TEAD1: variants seen among roughly 807,000 people sequenced by gnomAD.
TEAD1 encodes TEA domain transcription factor 1, also known as transcriptional enhancer factor TEF-1.
Under a neutral mutation model 54.9 loss-of-function variants are expected in TEAD1, and 9 were observed. That is an observed-to-expected ratio of 0.16 (90% CI 0.10 to 0.29). The LOEUF is 0.29. Ranked by LOEUF, TEAD1 falls within the 10% of genes least tolerant of loss-of-function variation. TEAD1 has a pLI of 1.00. For missense variants in TEAD1, 387 were observed against 535.9 expected, an observed-to-expected ratio of 0.72 and a Z score of 2.74; for synonymous variants, 200 against 187.8, an observed-to-expected ratio of 1.07 and a Z score of -0.53.
chr11:12,730,542 GTGT>G (rs1440978304), intron 2 of TEAD1, among the ~76,000 whole-genome samples: 1 of 150,688 alleles, frequency 6.6e-6, no homozygotes, highest in African/African-American at 2.4e-5. Flanking sequence ...AGAAATAGAG[GTGT>G]TGTGGTTTCT....
At chr11:12,924,013 C>T (rs1040045487) in intron 10 of TEAD1, among the ~76,000 whole-genome samples, 6 of 152,236 alleles carry the variant, frequency 3.9e-5, no homozygotes. Flanking sequence ...ACTTCCTTGG[C>T]ACGCAGGCTT....
At chr11:12,851,801 A>C (rs1363596208) in intron 3 of TEAD1, among the ~76,000 whole-genome samples, 1 of 148,576 alleles carries the variant, frequency 6.7e-6, no homozygotes, top group Non-Finnish European at 1.5e-5. Context: ...CTCCAAAAAA[A>C]GGAAAAAAAA....
At position 12,864,071 on chromosome 11, in the gene TEAD1, C is replaced by CA. The variant is rs35076560; in HGVS notation, c.268-752dup. 5.2e-3 allele frequency among the ~76,000 whole-genome samples: 727 copies of CA among 140,398 alleles called. 3 individuals are homozygous for CA. The highest frequency in any genetic ancestry group is 0.011 in the South Asian group (48 of 4,344). The allele number at this position is 140,398 out of a possible 152,430, so 92.1% of individuals were successfully genotyped here. A position where few individuals can be genotyped will look rare whatever the true frequency, so the allele number is the denominator to read the frequency against. ...GAAGGATTAAAGATTTTTATAAGGG[C>CA]AAAAAAAAAAAAAAATAGCTCTGCT... On this transcript the variant is annotated intron_variant, in intron 4 of 12. Transcript: ENST00000527636.
intron 3 of TEAD1, among the ~76,000 whole-genome samples, chr11:12,817,820 A>G (rs1378920189): frequency 6.6e-6 from 1 of 152,220 alleles, no homozygotes; most frequent in East Asian, 1.9e-4. Context: ...TTGAAGCGCA[A>G]CAGGGCCATT....
At chr11:12,881,821 C>G in intron 7 of TEAD1, 75 bp from the exon 8 acceptor site, 1 of 1,508,750 alleles carries the variant, frequency 6.6e-7, no homozygotes, top group Non-Finnish European at 9.2e-7. Flanking sequence ...ACTGGGAGGT[C>G]ATGGTGGGGC....
intron 3 of TEAD1, among the ~76,000 whole-genome samples, chr11:12,832,088 C>A (rs998663561): frequency 3.3e-5 from 5 of 152,006 alleles, no homozygotes; most frequent in Non-Finnish European, 5.9e-5. Context: ...ACCACACTGT[C>A]CCCCCACCCC....
chr11:12,829,097 G>A (rs545415610), intron 3 of TEAD1, among the ~76,000 whole-genome samples: 8 of 152,224 alleles, frequency 5.3e-5, no homozygotes, highest in African/African-American at 1.9e-4. Flanking sequence ...TGAGGTAGTG[G>A]TGGTGGAAGC....
chr11:12,716,096 A>G (rs1301785052), intron 2 of TEAD1, among the ~76,000 whole-genome samples: 1 of 151,458 alleles, frequency 6.6e-6, no homozygotes, highest in East Asian at 2.0e-4. Context: ...GTGACTTAGG[A>G]TGGGCTTCCT....
chr11:12,872,183 C>T (rs945927250), intron 5 of TEAD1, among the ~76,000 whole-genome samples: 8 of 152,312 alleles, frequency 5.3e-5, no homozygotes, highest in African/African-American at 1.9e-4. Flanking sequence ...ATGTTTGTAT[C>T]ATCACTGATT....
At chr11:12,866,370 C>A (rs1023337009) in intron 5 of TEAD1, among the ~76,000 whole-genome samples, 1 of 152,126 alleles carries the variant, frequency 6.6e-6, no homozygotes, top group Non-Finnish European at 1.5e-5. Flanking sequence ...TGTGGACTCA[C>A]CAGGGCACAC....
chr11:12,726,216 AG>A (rs1944308505), intron 2 of TEAD1, among the ~76,000 whole-genome samples: 1 of 152,206 alleles, frequency 6.6e-6, no homozygotes, highest in African/African-American at 2.4e-5. Flanking sequence ...GAAGGTAGTT[AG>A]GGAAGGTTTC....
At chr11:12,804,095 G>A (rs990545688) in intron 3 of TEAD1, among the ~76,000 whole-genome samples, 3 of 152,228 alleles carry the variant, frequency 2.0e-5, no homozygotes, top group East Asian at 1.9e-4. Context: ...AGGCACGTGT[G>A]CCAGAGCTTA....
Position 12,895,671 on chromosome 11 carries a change from A to G in TEAD1, c.700-6269A>G, listed in dbSNP as rs142163909. On this transcript the variant is annotated intron_variant, in intron 9 of 12. Coordinates refer to ENST00000527636, the MANE Select transcript of TEAD1 (RefSeq NM_021961.6). Reference sequence around the variant, plus strand: ...TTTGATTGGTGGTTTATTTAATAAAATAATTGTATAAGCCAGATTGAAGCA... The same window carrying G: ...TTTGATTGGTGGTTTATTTAATAAAGTAATTGTATAAGCCAGATTGAAGCA... 8.2e-3 allele frequency among the ~76,000 whole-genome samples: 1,255 copies of G among 152,368 alleles called. 18 individuals carry two copies. Among genetic ancestry groups the G allele is most frequent in the South Asian group, 0.022 (106 of 4,830 alleles).
At chr11:12,819,249 C>T (rs968473615) in intron 3 of TEAD1, among the ~76,000 whole-genome samples, 1 of 149,686 alleles carries the variant, frequency 6.7e-6, no homozygotes, top group South Asian at 2.2e-4. Context: ...CAAGGTGGCA[C>T]CATTATCACC....
At chr11:12,877,818 G>A (rs1307654847) in intron 5 of TEAD1, among the ~76,000 whole-genome samples, 2 of 107,306 alleles carry the variant, frequency 1.9e-5, no homozygotes, top group African/African-American at 7.1e-5. Context: ...TTTTTCTGAT[G>A]GAGTCTTGCT....
intron 9 of TEAD1, among the ~76,000 whole-genome samples, chr11:12,896,932 G>A (rs1948324260): frequency 6.6e-6 from 1 of 152,184 alleles, no homozygotes; most frequent in Non-Finnish European, 1.5e-5. Flanking sequence ...CAGGCAGAGT[G>A]AGTACCTTTT....
At chr11:12,841,805 T>C (rs1415343250) in intron 3 of TEAD1, among the ~76,000 whole-genome samples, 1 of 152,200 alleles carries the variant, frequency 6.6e-6, no homozygotes, top group Admixed American at 6.5e-5. Flanking sequence ...ATGAGACCTT[T>C]GGGGAAACTG....
In TEAD1 at chr11:12,929,204, G is replaced by GTGTGTGT. The variant is rs746048067; in HGVS notation, c.1015-970_1015-969insTGTGTGT. On this transcript the variant is annotated intron_variant, in intron 11 of 12. Transcript: ENST00000527636. ...TGTGTGTGTGTGTGTGTGTGTGTCTGCTTTAGGGTTATGTGAAATAATCTC... is the reference window on the plus strand; with the variant it reads ...TGTGTGTGTGTGTGTGTGTGTGTCTGTGTGTGTCTTTAGGGTTATGTGAAATAATCTC... Among the ~76,000 whole-genome samples the GTGTGTGT allele has an allele frequency of 6.1e-3, 844 of 139,124 alleles. 14 individuals carry two copies. The highest frequency in any genetic ancestry group is 0.042 in the Middle Eastern group (12 of 288). 91.3% of individuals were successfully genotyped at this position (139,124 alleles called of 152,430 possible). A position where few individuals can be genotyped will look rare whatever the true frequency, so the allele number is the denominator to read the frequency against.
intron 3 of TEAD1, among the ~76,000 whole-genome samples, chr11:12,783,908 C>A (rs1278385422): frequency 6.6e-6 from 1 of 152,096 alleles, no homozygotes; most frequent in Non-Finnish European, 1.5e-5. Flanking sequence ...AGGTTCTCAA[C>A]TTTTCTGTGT....
Sources: gnomAD v4.1 joint callset for allele counts (sites outside exome capture counted in the v4.1 genomes callset) on GRCh38, gnomAD v4.1.1 for gene constraint, MANE v1.5 for transcripts, NCBI Gene and HGNC (gene_info 2026-07-23, HGNC 2026-07-21) for gene names.